Variants in NPAS1 observed in about 807,000 individuals in gnomAD.
The protein encoded by NPAS1 is neuronal PAS domain protein 1.
A neutral mutation model predicts 49.2 loss-of-function variants in NPAS1; 29 were observed. That is an observed-to-expected ratio of 0.59 (90% CI 0.44 to 0.80). The LOEUF is 0.80. NPAS1 is among the 30% of genes least tolerant of loss of function. The pLI, the probability that NPAS1 is intolerant of heterozygous loss-of-function variation, is 0.00. For missense variants in NPAS1, 825 were observed against 835.5 expected, an observed-to-expected ratio of 0.99 and a Z score of 0.15; for synonymous variants, 408 against 380.4, an observed-to-expected ratio of 1.07 and a Z score of -0.84.
At chr19:47,020,047 G>A (rs1555769876) in intron 1 of NPAS1, 50 bp downstream of exon 1, 1 of 238,754 alleles carries the variant, frequency 4.2e-6, no homozygotes, top group Non-Finnish European at 7.9e-6. Context: ...GGTCCCAGAG[G>A]AATGGGGGGC....
chr19:47,045,285 G>C lies in NPAS1; in HGVS notation c.1407G>C (p.Pro469=), dbSNP rs779982386. 3.7e-6 allele frequency: 6 copies of C among 1,613,912 alleles called. No homozygotes were observed. In the African/African-American group the frequency reaches 4.0e-5, roughly 11 times the overall value. Residue 469 remains proline (P), a synonymous_variant, in exon 12 of 12, where the codon CCG becomes CCC. Transcript: ENST00000602212. The part of the protein sequence containing the change: ...QGKRIKVEPG[P]RETKGSEDSG... Reference sequence around the variant, plus strand: ...AACGCATCAAAGTGGAGCCCGGCCCGAGGGAAACCAAAGGCTCCGAGGACA... The same window carrying C: ...AACGCATCAAAGTGGAGCCCGGCCCCAGGGAAACCAAAGGCTCCGAGGACA...
Position 47,036,007 on chromosome 19 carries a change from G to A in NPAS1, c.566G>A (p.Gly189Glu), listed in dbSNP as rs201134548. 1.9e-6 allele frequency: 3 copies of A among 1,582,028 alleles called. No individual in the cohort carries two copies. Among genetic ancestry groups the A allele is most frequent in the Admixed American group, 1.9e-5 (1 of 53,536 alleles). ...AGCGTCTTCGACTACATTCACCCTG[G>A]GGACCACTCAGAGGTGCTGGAGCAA... The part of the protein sequence containing the change: ...GSSVFDYIHP[G>E]DHSEVLEQLG... Residue 189 changes from glycine to glutamate, a missense_variant, in exon 6 of 12, where the codon GGG becomes GAG. By Grantham distance (98) the Gly-to-Glu change is moderately conservative (BLOSUM62 -2). Coordinates refer to ENST00000602212, the MANE Select transcript of NPAS1 (RefSeq NM_002517.4).
chr19:47,028,883 G>A (rs931222593), intron 3 of NPAS1, among the ~76,000 whole-genome samples: 2 of 152,046 alleles, frequency 1.3e-5, no homozygotes, highest in Non-Finnish European at 2.9e-5. Context: ...GACAGGCTCC[G>A]GGACCCCCAG....
chr19:47,029,343 C>T lies in NPAS1; in HGVS notation c.359-2935C>T, dbSNP rs144816733. On this transcript the variant is annotated intron_variant, in intron 3 of 11. Coordinates refer to ENST00000602212, the MANE Select transcript of NPAS1 (RefSeq NM_002517.4). ...AGGTGATCTGCCCACCTCAGCCTCT[C>T]AAAGTGCTGAGATTATAGGCGTGAG... is the stretch of plus-strand genomic sequence containing the variant. Among the ~76,000 whole-genome samples, 194 of 151,710 alleles carry T rather than the reference C, an allele frequency of 1.3e-3. 1 individual carries two copies. In the East Asian group the frequency reaches 0.027, roughly 21 times the overall value.
chr19:47,032,602 C>T (rs774658676), intron 4 of NPAS1, 41 bp from the exon 5 acceptor site: 12 of 1,560,254 alleles, frequency 7.7e-6, no homozygotes, highest in South Asian at 3.3e-5. Flanking sequence ...AGAGGGACAC[C>T]GGGTCCTCTC....
At chr19:47,033,962 T>G (rs2056926371) in intron 5 of NPAS1, among the ~76,000 whole-genome samples, 2 of 105,046 alleles carry the variant, frequency 1.9e-5, no homozygotes, top group Non-Finnish European at 3.6e-5. Context: ...GACAACAAAG[T>G]GAGGCTATGC....
At chr19:47,036,886 A>G (rs1019799365) in intron 6 of NPAS1, among the ~76,000 whole-genome samples, 1 of 151,790 alleles carries the variant, frequency 6.6e-6, no homozygotes, top group Admixed American at 6.6e-5. Context: ...TCCAAAAAAA[A>G]CAACAACAAC....
rs373822080 is a variant in NPAS1, at chr19:47,021,321, T to C, written c.122+152T>C. On this transcript the variant is annotated intron_variant, in intron 2 of 11. Coordinates refer to ENST00000602212, the MANE Select transcript of NPAS1 (RefSeq NM_002517.4). This position sits in a 1 kb window ranked among gnomAD's most constrained non-coding sequence, Gnocchi z 5.7. ...TCTTACCTTGAGTTAACTACCGTCC[T>C]GAGCCCGGTCCCCTGCGTTCTGCTT... 515 of 703,540 alleles carry C rather than the reference T, an allele frequency of 7.3e-4. 14 individuals carry two copies. In the South Asian group the frequency reaches 0.01, roughly 14 times the overall value. The allele number at this position is 703,540 out of a possible 1,614,324, so 43.6% of individuals were successfully genotyped here.
chr19:47,025,999 G>C (rs1413937301), intron 3 of NPAS1, among the ~76,000 whole-genome samples: 1 of 152,010 alleles, frequency 6.6e-6, no homozygotes, highest in Non-Finnish European at 1.5e-5. Flanking sequence ...GAGTGCAGTG[G>C]TGCGATCTCA....
intron 1 of NPAS1, 111 bp from the exon 2 acceptor site, chr19:47,020,895 C>G (rs1230096208): frequency 4.1e-4 from 6 of 14,600 alleles, no homozygotes; most frequent in Non-Finnish European, 6.9e-4. Context: ...ATCATCCAGG[C>G]CCCCCCCCCC....
chr19:47,043,056 C>G (rs866908191), intron 11 of NPAS1, 152 bp downstream of exon 11: 27 of 522,576 alleles, frequency 5.2e-5, no homozygotes, highest in Admixed American at 3.0e-4. Flanking sequence ...CCTGTAATCC[C>G]AGCACTTTGG....
intron 3 of NPAS1, among the ~76,000 whole-genome samples, chr19:47,031,905 C>A (rs1007639927): frequency 6.6e-6 from 1 of 152,100 alleles, no homozygotes; most frequent in African/African-American, 2.4e-5. Context: ...TTCAACTGCC[C>A]CTGGTCTGAG....
chr19:47,045,106 G>A, intron 11 of NPAS1, 85 bp from the exon 12 acceptor site: 1 of 1,282,746 alleles, frequency 7.8e-7, no homozygotes, highest in Non-Finnish European at 1.1e-6. Context: ...CTACAGGTCT[G>A]GCCCACTAAG....
intron 3 of NPAS1, among the ~76,000 whole-genome samples, chr19:47,023,468 G>C (rs564041143): frequency 5.9e-5 from 9 of 152,106 alleles, no homozygotes; most frequent in Non-Finnish European, 1.3e-4. Flanking sequence ...TTGGTACTGC[G>C]TGGACTCCTA....
intron 1 of NPAS1, 59 bp downstream of exon 1, chr19:47,020,056 G>A (rs1156431502): frequency 1.0e-5 from 3 of 301,006 alleles, no homozygotes; most frequent in African/African-American, 4.5e-5. Flanking sequence ...GGAATGGGGG[G>A]CTGGAACTCC....
At chr19:47,034,991 G>A (rs1486472794) in intron 5 of NPAS1, among the ~76,000 whole-genome samples, 1 of 151,804 alleles carries the variant, frequency 6.6e-6, no homozygotes, top group South Asian at 2.1e-4. Flanking sequence ...AGACCAGCCT[G>A]ACCAACATGG....
chr19:47,020,021 A>C, intron 1 of NPAS1, 24 bp downstream of exon 1: 1 of 271,052 alleles, frequency 3.7e-6, no homozygotes, highest in Non-Finnish European at 6.4e-6. Flanking sequence ...GCGGGCTGGC[A>C]GGAGGGGGAC....
intron 3 of NPAS1, 129 bp from the exon 4 acceptor site, chr19:47,032,149 G>A (rs948508642): frequency 2.5e-5 from 19 of 767,738 alleles, no homozygotes; most frequent in Non-Finnish European, 3.6e-5. Context: ...TCCCCCATGG[G>A]TGCCCAGATA....
chr19:47,045,496 G>C lies in NPAS1; in HGVS notation c.1618G>C (p.Gly540Arg), dbSNP rs992359895. The C allele has an allele frequency of 6.4e-7, 1 of 1,557,356 alleles. No individual in the cohort carries two copies. The highest frequency in any genetic ancestry group is 1.4e-5 in the African/African-American group (1 of 73,220). ...GGTGGTGCGGGGCCTGTGCACACCC[G>C]GCACCATCCGCTACGGCCCCGCGGA... is the stretch of plus-strand genomic sequence containing the variant. ...PPVVRGLCTP[G>R]TIRYGPAELG... The change falls in exon 12 of 12, where the codon GGC (glycine) becomes CGC (arginine). Residue 540 changes from glycine (G) to arginine (R), a missense_variant. Physicochemically the swap from Gly to Arg is moderately radical, Grantham distance 125 (BLOSUM62 -2). Transcript: ENST00000602212.
Sources: gnomAD v4.1 joint callset for allele counts (sites outside exome capture counted in the v4.1 genomes callset) on GRCh38, gnomAD v4.1.1 for gene constraint, Gnocchi (gnomAD v3.1) non-coding constraint, MANE v1.5 for transcripts, NCBI Gene and HGNC (gene_info 2026-07-23, HGNC 2026-07-21) for gene names.